SLCO5A1: variants seen among roughly 807,000 people sequenced by gnomAD.
SLCO5A1 encodes the protein organic anion transporter polypeptide-related protein 4.
Under a neutral mutation model 65.1 loss-of-function variants are expected in SLCO5A1, and 39 were observed. The ratio of observed to expected loss-of-function variants is 0.60; its 90% CI spans 0.46 to 0.78. The LOEUF is 0.78. Among genes scored for constraint, SLCO5A1 ranks in the 30% least tolerant of loss-of-function variants. The probability of loss-of-function intolerance (pLI) is 0.00; values close to 1 mark genes in which losing one functional copy is unlikely to be tolerated. For synonymous variants in SLCO5A1, 438 were observed against 415.7 expected, an observed-to-expected ratio of 1.05 and a Z score of -0.65; for missense variants, 1,029 against 1,069.4, an observed-to-expected ratio of 0.96 and a Z score of 0.53.
At chr8:69,717,066 C>T (rs1815582015) in intron 5 of SLCO5A1, among the ~76,000 whole-genome samples, 1 of 152,178 alleles carries the variant, frequency 6.6e-6, no homozygotes, top group Non-Finnish European at 1.5e-5. Flanking sequence ...ATATGAGCCA[C>T]CATGCCTGGC....
chr8:69,831,716 A>G, intron 2 of SLCO5A1, 51 bp downstream of exon 2: 3 of 1,523,936 alleles, frequency 2.0e-6, no homozygotes, highest in Non-Finnish European at 2.7e-6. Context: ...TTGTAAGGAA[A>G]GTAAGTTTCA....
At chr8:69,677,403 T>A (rs1216108254) in intron 8 of SLCO5A1, among the ~76,000 whole-genome samples, 2 of 152,188 alleles carry the variant, frequency 1.3e-5, no homozygotes, top group Non-Finnish European at 1.5e-5. Flanking sequence ...AATGGGTTAT[T>A]TAACATCTCT....
intron 2 of SLCO5A1, among the ~76,000 whole-genome samples, chr8:69,783,679 C>T (rs1434348431): frequency 6.6e-6 from 1 of 151,870 alleles, no homozygotes; most frequent in African/African-American, 2.4e-5. Context: ...CACCCCATTC[C>T]CTAATCATTA....
At chr8:69,803,358 C>T (rs952459436) in intron 2 of SLCO5A1, among the ~76,000 whole-genome samples, 2 of 152,040 alleles carry the variant, frequency 1.3e-5, no homozygotes, top group Admixed American at 1.3e-4. Flanking sequence ...CAGAGGTTGC[C>T]GTGAGCCAAG....
intron 5 of SLCO5A1, among the ~76,000 whole-genome samples, chr8:69,707,074 C>T (rs1050150678): frequency 2.6e-5 from 4 of 152,054 alleles, no homozygotes; most frequent in African/African-American, 4.8e-5. Context: ...CTTGATTGAA[C>T]CCTAGAGGCA....
intron 5 of SLCO5A1, among the ~76,000 whole-genome samples, chr8:69,723,317 T>A (rs890215021): frequency 1.3e-5 from 2 of 152,174 alleles, no homozygotes; most frequent in African/African-American, 4.8e-5. Flanking sequence ...AGTGGTGCGA[T>A]CTTGGCTTAC....
In SLCO5A1 at chr8:69,668,546, C is replaced by A. The variant is rs1813243745; in HGVS notation, c.*4323G>T. The A allele has an allele frequency of 6.6e-6, 1 of 152,196 alleles. No homozygotes were observed. 9.4% of individuals were successfully genotyped at this position (152,196 alleles called of 1,614,324 possible). On this transcript the variant is annotated 3_prime_UTR_variant, in exon 10 of 10. Transcript: ENST00000260126. ...GATCACAAAATATAATTGGCTACCA[C>A]CCGAGGCTTGGGCTTGCCTCCTGCT...
intron 5 of SLCO5A1, among the ~76,000 whole-genome samples, chr8:69,731,206 G>C (rs180785202): frequency 3.3e-5 from 5 of 152,210 alleles, no homozygotes; most frequent in African/African-American, 1.2e-4. Context: ...CGCCATGCTG[G>C]CCAGGCTAGT....
chr8:69,828,934 G>T (rs1821045643), intron 2 of SLCO5A1, among the ~76,000 whole-genome samples: 1 of 152,188 alleles, frequency 6.6e-6, no homozygotes, highest in Non-Finnish European at 1.5e-5. Context: ...AAGCAAGTCT[G>T]TATTGATGCT....
At chr8:69,683,465 C>A (rs533556923) in intron 6 of SLCO5A1, among the ~76,000 whole-genome samples, 1 of 152,032 alleles carries the variant, frequency 6.6e-6, no homozygotes, top group Non-Finnish European at 1.5e-5. Context: ...TGTGTAGTAG[C>A]GAAGTTTGGG....
rs749525064 is a variant in SLCO5A1, at chr8:69,832,161, G to C, written c.513C>G (p.Val171=). ...SLKSSESGLL[V]SCFDIGNLVV... ...CCAGGTTCCCGATGTCAAAGCAGCTGACCAGCAGCCCCGACTCGGAACTCT... is the reference window on the plus strand; with the variant it reads ...CCAGGTTCCCGATGTCAAAGCAGCTCACCAGCAGCCCCGACTCGGAACTCT... The change falls in exon 2 of 10, where the codon GTC becomes GTG. Residue 171 remains valine, a synonymous_variant. Coordinates refer to ENST00000260126, the MANE Select transcript of SLCO5A1 (RefSeq NM_030958.3). The surrounding 1 kb of genome is among the most constrained non-coding windows in gnomAD (Gnocchi z 4.5). The C allele has an allele frequency of 6.2e-6, 10 of 1,614,100 alleles. No homozygotes were observed. In the East Asian group the frequency reaches 2.2e-4, roughly 36 times the overall value.
intron 4 of SLCO5A1, among the ~76,000 whole-genome samples, chr8:69,750,559 C>G (rs187712559): frequency 2.3e-4 from 35 of 151,984 alleles, no homozygotes; most frequent in African/African-American, 7.2e-4. Flanking sequence ...AACCACAAAA[C>G]GCTTGTTCAG....
At chr8:69,753,633 C>A (rs1817420360) in intron 4 of SLCO5A1, among the ~76,000 whole-genome samples, 1 of 152,140 alleles carries the variant, frequency 6.6e-6, no homozygotes, top group African/African-American at 2.4e-5. Flanking sequence ...AGTCACCTAA[C>A]CCTAAGCTAT....
chr8:69,725,216 C>T (rs1440725712), intron 5 of SLCO5A1, among the ~76,000 whole-genome samples: 2 of 152,154 alleles, frequency 1.3e-5, no homozygotes, highest in African/African-American at 4.8e-5. Flanking sequence ...GAACCCAGAA[C>T]TTCCGATGCC....
intron 5 of SLCO5A1, among the ~76,000 whole-genome samples, chr8:69,714,198 A>T (rs1462750950): frequency 6.7e-6 from 1 of 148,760 alleles, no homozygotes; most frequent in African/African-American, 2.5e-5. Flanking sequence ...TATCATTAGA[A>T]TTAATTTAAG....
chr8:69,739,089 T>C (rs1816689095), intron 4 of SLCO5A1, among the ~76,000 whole-genome samples: 1 of 152,168 alleles, frequency 6.6e-6, no homozygotes, highest in Admixed American at 6.5e-5. Flanking sequence ...TGTACTGGCA[T>C]AAAAGAACTC....
chr8:69,773,798 G>C (rs1431623926), intron 2 of SLCO5A1, among the ~76,000 whole-genome samples: 6 of 152,146 alleles, frequency 3.9e-5, no homozygotes, highest in African/African-American at 1.4e-4. Context: ...AGGCCACTCA[G>C]ATACCCTTCT....
intron 7 of SLCO5A1, among the ~76,000 whole-genome samples, chr8:69,680,209 G>A (rs1813708069): frequency 6.6e-6 from 1 of 152,086 alleles, no homozygotes; most frequent in South Asian, 2.1e-4. Flanking sequence ...GTGATGCTGA[G>A]GTTTGGTGTA....
chr8:69,748,911 A>G (rs1052514258), intron 4 of SLCO5A1, among the ~76,000 whole-genome samples: 4 of 152,196 alleles, frequency 2.6e-5, no homozygotes, highest in Non-Finnish European at 5.9e-5. Flanking sequence ...TTGAGAACCA[A>G]TGATCCAAAG....
Sources: gnomAD v4.1 joint callset for allele counts (sites outside exome capture counted in the v4.1 genomes callset) on GRCh38, gnomAD v4.1.1 for gene constraint, Gnocchi (gnomAD v3.1) non-coding constraint, MANE v1.5 for transcripts, NCBI Gene and HGNC (gene_info 2026-07-23, HGNC 2026-07-21) for gene names.